PIGU: variants seen among roughly 807,000 people sequenced by gnomAD.
PIGU encodes the protein GPI-anchor transamidase component PIGU.
In PIGU, 24 loss-of-function variants were observed where a neutral mutation model predicts 49.9. The observed-to-expected ratio is 0.48, with a 90% CI of 0.35 to 0.68. PIGU has a LOEUF of 0.68. Among genes scored for constraint, PIGU ranks in the 30% least tolerant of loss-of-function variants. The probability of loss-of-function intolerance (pLI) is 0.01; values close to 1 mark genes in which losing one functional copy is unlikely to be tolerated. For missense variants in PIGU, 490 were observed against 532.6 expected (o/e 0.92, Z 0.79); for synonymous variants, 220 against 205.7 (o/e 1.07, Z -0.59).
At chr20:34,568,311 A>G (rs1254305502) in intron 11 of PIGU, among the ~76,000 whole-genome samples, 2 of 152,158 alleles carry the variant, frequency 1.3e-5, no homozygotes, top group Non-Finnish European at 2.9e-5. Context: ...CAAGCTTGGG[A>G]TGCTCAGTGC....
chr20:34,610,224 GAAAT>G (rs1313546700), intron 7 of PIGU, among the ~76,000 whole-genome samples: 2 of 152,148 alleles, frequency 1.3e-5, no homozygotes, highest in Admixed American at 6.6e-5. Context: ...GCAAGAGAAA[GAAAT>G]AAAGCGTATT....
At chr20:34,602,373 G>C (rs1041114028) in intron 7 of PIGU, among the ~76,000 whole-genome samples, 18 of 151,952 alleles carry the variant, frequency 1.2e-4, no homozygotes, top group Non-Finnish European at 2.9e-5. Context: ...GAGGTGGGCG[G>C]ATGACTTGAG....
At chr20:34,666,470 G>C (rs1987095639) in intron 1 of PIGU, among the ~76,000 whole-genome samples, 1 of 149,132 alleles carries the variant, frequency 6.7e-6, no homozygotes, top group South Asian at 2.1e-4. Flanking sequence ...TTTTGATAAA[G>C]ACTCTCAACT....
chr20:34,653,688 G>A (rs1486021748), intron 2 of PIGU, among the ~76,000 whole-genome samples: 3 of 152,172 alleles, frequency 2.0e-5, no homozygotes, highest in African/African-American at 7.2e-5. Flanking sequence ...TAATGCATAT[G>A]CTGATAGAGG....
At chr20:34,629,839 A>C (rs77838410) in intron 6 of PIGU, among the ~76,000 whole-genome samples, 2 of 152,220 alleles carry the variant, frequency 1.3e-5, no homozygotes, top group Admixed American at 1.3e-4. Context: ...TCTCATTAAA[A>C]TGAAAACAAG....
At chr20:34,596,546 T>C (rs1390777035) in intron 7 of PIGU, among the ~76,000 whole-genome samples, 1 of 152,168 alleles carries the variant, frequency 6.6e-6, no homozygotes, top group African/African-American at 2.4e-5. Flanking sequence ...TTTTGCAACT[T>C]TTCCGTAGGT....
At chr20:34,599,633 T>G (rs1243972902) in intron 7 of PIGU, among the ~76,000 whole-genome samples, 1 of 152,158 alleles carries the variant, frequency 6.6e-6, no homozygotes, top group African/African-American at 2.4e-5. Context: ...TCCCCTGAAG[T>G]TGAGGCTGAA....
chr20:34,627,705 C>T (rs1251102084), intron 6 of PIGU, among the ~76,000 whole-genome samples: 1 of 152,090 alleles, frequency 6.6e-6, no homozygotes, highest in Admixed American at 6.6e-5. Context: ...TTTCCAAAGG[C>T]CAGTACTTGG....
chr20:34,627,804 T>C (rs1985550379), intron 6 of PIGU, among the ~76,000 whole-genome samples: 3 of 152,106 alleles, frequency 2.0e-5, no homozygotes, highest in South Asian at 2.1e-4. Flanking sequence ...CCTGACACTC[T>C]GGAAACAGGG....
intron 8 of PIGU, among the ~76,000 whole-genome samples, 196 bp downstream of exon 8, chr20:34,588,257 A>C (rs1381216815): frequency 1.3e-5 from 2 of 152,222 alleles, no homozygotes; most frequent in Non-Finnish European, 2.9e-5. Flanking sequence ...GTCTCAAAAA[A>C]AAAAGAAAAA....
intron 1 of PIGU, among the ~76,000 whole-genome samples, chr20:34,668,471 A>AT (rs1328033044): frequency 6.8e-5 from 9 of 133,284 alleles, no homozygotes; most frequent in South Asian, 2.2e-4. Context: ...CAAAAAAAAA[A>AT]AAAAAAAAAA....
intron 7 of PIGU, among the ~76,000 whole-genome samples, chr20:34,596,486 T>C (rs1056413120): frequency 2.0e-5 from 3 of 152,228 alleles, no homozygotes; most frequent in African/African-American, 7.2e-5. Context: ...TTATATAAAA[T>C]GTTAACATTA....
intron 11 of PIGU, among the ~76,000 whole-genome samples, chr20:34,562,815 G>C (rs1411917339): frequency 2.0e-5 from 3 of 152,196 alleles, no homozygotes; most frequent in Non-Finnish European, 4.4e-5. Flanking sequence ...TGGCCCACTG[G>C]GGGGCAGTGA....
intron 9 of PIGU, among the ~76,000 whole-genome samples, chr20:34,584,119 C>T (rs894762948): frequency 2.6e-5 from 4 of 152,184 alleles, no homozygotes; most frequent in Non-Finnish European, 5.9e-5. Flanking sequence ...GAGTCTAAAT[C>T]CCAGCTCCAC....
At chr20:34,608,008 G>A (rs1414001339) in intron 7 of PIGU, among the ~76,000 whole-genome samples, 1 of 151,292 alleles carries the variant, frequency 6.6e-6, no homozygotes. Flanking sequence ...AGCCACATCT[G>A]ATGATGGTCT....
chr20:34,594,298 C>T (rs1266466332), intron 7 of PIGU, among the ~76,000 whole-genome samples: 1 of 152,198 alleles, frequency 6.6e-6, no homozygotes, highest in Non-Finnish European at 1.5e-5. Context: ...CTCGCTGAAA[C>T]ATTACTTGTA....
intron 5 of PIGU, among the ~76,000 whole-genome samples, chr20:34,636,392 A>G (rs1164749257): frequency 6.6e-6 from 1 of 151,502 alleles, no homozygotes; most frequent in African/African-American, 2.4e-5. Flanking sequence ...AAAGTACAAA[A>G]AAATATCCAG....
At chr20:34,575,278 C>T in intron 10 of PIGU, 32 bp from the exon 11 acceptor site, 2 of 1,605,800 alleles carry the variant, frequency 1.2e-6, no homozygotes, top group South Asian at 1.1e-5. Context: ...GTTAGCCTGA[C>T]ACGCTCTCTC....
chr20:34,574,486 A>T (rs1983140005), intron 11 of PIGU, among the ~76,000 whole-genome samples: 1 of 152,084 alleles, frequency 6.6e-6, no homozygotes, highest in Admixed American at 6.5e-5. Context: ...CAGGCTTCCC[A>T]GCTCAGGGGA....
Sources: gnomAD v4.1 joint callset for allele counts (sites outside exome capture counted in the v4.1 genomes callset) on GRCh38, gnomAD v4.1.1 for gene constraint, MANE v1.5 for transcripts, NCBI Gene and HGNC (gene_info 2026-07-23, HGNC 2026-07-21) for gene names.